The following FAT3 variants were observed in gnomAD, a reference collection of about 807,000 sequenced individuals.
The protein encoded by FAT3 is FAT atypical cadherin 3.
A neutral mutation model predicts 310.2 loss-of-function variants in FAT3; 95 were observed. The observed-to-expected ratio is 0.31, with a 90% CI of 0.26 to 0.36. The LOEUF (loss-of-function observed/expected upper bound fraction) is 0.36. FAT3 is among the 10% of genes least tolerant of loss of function. The pLI, the probability that FAT3 is intolerant of heterozygous loss-of-function variation, is 1.00. For missense variants in FAT3, 5,408 were observed against 5,715.6 expected, an observed-to-expected ratio of 0.95 and a Z score of 1.74; for synonymous variants, 2,314 against 2,192.9, an observed-to-expected ratio of 1.06 and a Z score of -1.54.
chr11:92,738,950 T>C (rs977962725), intron 4 of FAT3, among the ~76,000 whole-genome samples: 1 of 152,160 alleles, frequency 6.6e-6, no homozygotes, highest in African/African-American at 2.4e-5. Context: ...GGCCTCAATA[T>C]TATTGTTGCT....
intron 2 of FAT3, among the ~76,000 whole-genome samples, chr11:92,433,742 G>A (rs1950856340): frequency 6.6e-6 from 1 of 152,100 alleles, no homozygotes; most frequent in Non-Finnish European, 1.5e-5. Context: ...TGGGTGTGGT[G>A]GCTCACGCCT....
rs1162864492 is a variant in FAT3, at chr11:92,798,400, T to G, written c.5387T>G (p.Leu1796Arg). 1 of 1,613,104 alleles carries G rather than the reference T, an allele frequency of 6.2e-7. No homozygotes were observed. Among genetic ancestry groups the G allele is most frequent in the East Asian group, 2.2e-5 (1 of 44,762 alleles). The change falls in exon 10 of 28, where the codon CTG (leucine) becomes CGG (arginine). Residue 1796 changes from leucine to arginine, a missense_variant. Coordinates refer to ENST00000525166, the MANE Select transcript of FAT3 (RefSeq NM_001367949.2). ...GTCAGGAGCTTGGATAACAGCCCAC[T>G]GGTGATTCGAGCCACAGATGCTGAC... ...SIVRSLDNSPLVIRATDADSN... is the reference protein window; with the variant it reads ...SIVRSLDNSPRVIRATDADSN...
In FAT3 at chr11:92,280,845, A is replaced by G. The variant is rs184650924; in HGVS notation, c.-18+55671A>G. 1.5e-3 allele frequency among the ~76,000 whole-genome samples: 228 copies of G among 152,286 alleles called. 1 individual carries two copies. The highest frequency in any genetic ancestry group is 5.2e-3 in the African/African-American group (217 of 41,580). ...GCTGTTTCATGAGAGACCTTCGTAC[A>G]TACAATTTCTTGTGTCAACCCTGTT... On this transcript the variant is annotated intron_variant, in intron 1 of 27. Coordinates refer to ENST00000525166, the MANE Select transcript of FAT3 (RefSeq NM_001367949.2).
At chr11:92,226,718 C>T (rs938196026) in intron 1 of FAT3, among the ~76,000 whole-genome samples, 6 of 152,036 alleles carry the variant, frequency 3.9e-5, no homozygotes, top group Admixed American at 6.5e-5. Context: ...CGGCCGGTGG[C>T]TCTGGCACGC....
chr11:92,430,511 GT>G (rs975523633), intron 2 of FAT3, among the ~76,000 whole-genome samples: 4 of 150,936 alleles, frequency 2.7e-5, no homozygotes, highest in East Asian at 1.9e-4. Context: ...TTTGGATGGG[GT>G]TTTTTTTTAA....
At chr11:92,339,710 G>A (rs1948191678) in intron 1 of FAT3, among the ~76,000 whole-genome samples, 1 of 152,084 alleles carries the variant, frequency 6.6e-6, no homozygotes, top group South Asian at 2.1e-4. Flanking sequence ...GGCAGGGGAA[G>A]CCAGTTGAAC....
intron 2 of FAT3, among the ~76,000 whole-genome samples, chr11:92,449,489 G>T (rs891214301): frequency 1.3e-5 from 2 of 152,076 alleles, no homozygotes; most frequent in Non-Finnish European, 1.5e-5. Context: ...CTTCCCAAAT[G>T]CACTAACTCA....
chr11:92,715,631 A>G lies in FAT3; in HGVS notation c.3669+18186A>G, dbSNP rs191332661. 3.0e-3 allele frequency among the ~76,000 whole-genome samples: 451 copies of G among 152,158 alleles called. 2 individuals are homozygous for G. The highest frequency in any genetic ancestry group is 0.01 in the African/African-American group (420 of 41,526). ...TAATTATACCCAAAGTTACCCTAACACAGTTGAGGATACCAGAATAACACA... is the reference window on the plus strand; with the variant it reads ...TAATTATACCCAAAGTTACCCTAACGCAGTTGAGGATACCAGAATAACACA... On this transcript the variant is annotated intron_variant, in intron 4 of 27. Coordinates refer to ENST00000525166, the MANE Select transcript of FAT3 (RefSeq NM_001367949.2).
chr11:92,494,142 T>C (rs917592210), intron 2 of FAT3, among the ~76,000 whole-genome samples: 1 of 151,848 alleles, frequency 6.6e-6, no homozygotes, highest in African/African-American at 2.4e-5. Flanking sequence ...GGAAAACTTA[T>C]ATTTTAAACC....
At chr11:92,781,510 T>C (rs1193304187) in intron 7 of FAT3, among the ~76,000 whole-genome samples, 1 of 152,192 alleles carries the variant, frequency 6.6e-6, no homozygotes, top group Non-Finnish European at 1.5e-5. Context: ...GATATAAACC[T>C]GCTTCTTCTC....
chr11:92,308,226 TTTGA>T (rs1346468986), intron 1 of FAT3, among the ~76,000 whole-genome samples: 3 of 152,188 alleles, frequency 2.0e-5, no homozygotes, highest in Non-Finnish European at 4.4e-5. Flanking sequence ...TCACAGGTTG[TTTGA>T]TTATCTGTGT....
intron 1 of FAT3, among the ~76,000 whole-genome samples, chr11:92,320,343 G>T (rs1470233676): frequency 1.3e-5 from 2 of 151,882 alleles, no homozygotes; most frequent in Non-Finnish European, 2.9e-5. Flanking sequence ...CATAACAGCA[G>T]AACATCGTTT....
At position 92,789,958 on chromosome 11, in the gene FAT3, C is replaced by T; in HGVS notation, c.4351C>T (p.Leu1451=). The T allele has an allele frequency of 1.2e-6, 2 of 1,613,542 alleles. No individual in the cohort carries two copies. The highest frequency in any genetic ancestry group is 1.7e-6 in the Non-Finnish European group (2 of 1,179,616). The change falls in exon 8 of 28, where the codon CTG becomes TTG. Residue 1451 remains leucine, a synonymous_variant. Coordinates refer to ENST00000525166, the MANE Select transcript of FAT3 (RefSeq NM_001367949.2). ...VAVTQVFIKV[L]DNNDNGPEFS... is the part of the protein sequence containing the mutation. ...TTAACTACAGGTATTTATCAAAGTG[C>T]TGGATAATAATGATAATGGCCCAGA...
At chr11:92,343,271 G>A (rs775130469) in intron 1 of FAT3, among the ~76,000 whole-genome samples, 1 of 152,144 alleles carries the variant, frequency 6.6e-6, no homozygotes, top group Non-Finnish European at 1.5e-5. Flanking sequence ...TTGGGTTTTG[G>A]TCGTAGTCTA....
intron 2 of FAT3, among the ~76,000 whole-genome samples, chr11:92,475,352 GCTGT>G (rs1025335123): frequency 6.6e-6 from 1 of 151,960 alleles, no homozygotes. Context: ...TTTTGTTTGG[GCTGT>G]CTATTTTTTT....
intron 3 of FAT3, among the ~76,000 whole-genome samples, chr11:92,600,026 C>T (rs1939934032): frequency 6.6e-6 from 1 of 152,188 alleles, no homozygotes; most frequent in Non-Finnish European, 1.5e-5. Context: ...TGGCTGTCAC[C>T]ATTAAATGCT....
chr11:92,841,918 C>A (rs976754438), intron 18 of FAT3, among the ~76,000 whole-genome samples: 2 of 152,160 alleles, frequency 1.3e-5, no homozygotes, highest in African/African-American at 4.8e-5. Flanking sequence ...TCTGACCCAA[C>A]TCTTCACCCC....
chr11:92,784,399 T>A (rs991469284), intron 7 of FAT3, among the ~76,000 whole-genome samples: 3 of 152,198 alleles, frequency 2.0e-5, no homozygotes, highest in Non-Finnish European at 4.4e-5. Flanking sequence ...ATTTCAGTAA[T>A]TCAGGACTTA....
At chr11:92,274,707 A>C (rs1946217592) in intron 1 of FAT3, among the ~76,000 whole-genome samples, 1 of 152,206 alleles carries the variant, frequency 6.6e-6, no homozygotes, top group African/African-American at 2.4e-5. Context: ...TAGTTTAGGG[A>C]CAGAGCTATA....
Sources: allele counts gnomAD v4.1 joint callset (sites outside exome capture counted in the v4.1 genomes callset), GRCh38; gene constraint gnomAD v4.1.1; transcripts MANE v1.5; gene names NCBI Gene and HGNC (gene_info 2026-07-23, HGNC 2026-07-21).